Variants in RNF24 observed in about 807,000 individuals in gnomAD.
The protein encoded by RNF24 is ring finger protein 24.
A neutral mutation model predicts 20.0 loss-of-function variants in RNF24; 14 were observed. The ratio of observed to expected loss-of-function variants is 0.70; its 90% CI spans 0.46 to 1.10. The LOEUF (loss-of-function observed/expected upper bound fraction) is 1.10, where lower values mean the gene tolerates loss of function less well. Ranked by LOEUF, RNF24 falls within the 50% of genes least tolerant of loss-of-function variation. The pLI, the probability that RNF24 is intolerant of heterozygous loss-of-function variation, is 0.00. For synonymous variants in RNF24, 45 were observed against 61.1 expected (o/e 0.74, Z 1.23); for missense variants, 124 against 177.6 (o/e 0.70, Z 1.71).
At chr20:3,935,888 G>A (rs1244380940) in intron 4 of RNF24, among the ~76,000 whole-genome samples, 1 of 152,190 alleles carries the variant, frequency 6.6e-6, no homozygotes, top group Non-Finnish European at 1.5e-5. Flanking sequence ...ACCCAGGTCT[G>A]TTGCACTGAT....
intron 2 of RNF24, among the ~76,000 whole-genome samples, 153 bp from the exon 3 acceptor site, chr20:3,948,432 G>A (rs1164081986): frequency 6.6e-6 from 1 of 152,158 alleles, no homozygotes; most frequent in Middle Eastern, 3.4e-3. Flanking sequence ...CCCAAATGAT[G>A]TATCTCTTAA....
rs1298295605 is a variant in RNF24 at position 3,933,086 on chromosome 20, T to C, written c.*977A>G. 12 of 305,880 alleles carry C rather than the reference T, an allele frequency of 3.9e-5. No individual in the cohort carries two copies. Among genetic ancestry groups the C allele is most frequent in the Non-Finnish European group, 6.0e-5 (11 of 182,904 alleles). 18.9% of individuals were successfully genotyped at this position (305,880 alleles called of 1,614,324 possible). ...GGCTTTTTTTTTTTTTTTTTTTTTT[T>C]TCTGAAGTAGAAAGAGAGATAGGGC... On this transcript the variant is annotated 3_prime_UTR_variant, in exon 6 of 6. Transcript: ENST00000358395.
intron 1 of RNF24, among the ~76,000 whole-genome samples, chr20:3,973,702 T>C (rs181059684): frequency 7.9e-5 from 12 of 152,040 alleles, no homozygotes; most frequent in Non-Finnish European, 1.0e-4. Flanking sequence ...CAATATAAAA[T>C]AGATAATGTG....
intron 1 of RNF24, among the ~76,000 whole-genome samples, chr20:3,981,024 G>C (rs1979338258): frequency 6.6e-6 from 1 of 151,904 alleles, no homozygotes; most frequent in African/African-American, 2.4e-5. Flanking sequence ...GTGTAAGTGT[G>C]CCTGGCCCTA....
chr20:3,990,283 GA>G (rs1473288711), intron 1 of RNF24, among the ~76,000 whole-genome samples: 3 of 151,998 alleles, frequency 2.0e-5, no homozygotes, highest in African/African-American at 7.2e-5. Flanking sequence ...CTGCTTGGGG[GA>G]AAAAAGTACT....
intron 1 of RNF24, among the ~76,000 whole-genome samples, chr20:4,005,993 G>T (rs1006944730): frequency 1.3e-5 from 2 of 152,192 alleles, no homozygotes; most frequent in African/African-American, 4.8e-5. Flanking sequence ...AACTGTATCT[G>T]ATACAAGCAC....
chr20:4,003,132 G>T (rs568657816), intron 1 of RNF24, among the ~76,000 whole-genome samples: 1 of 152,232 alleles, frequency 6.6e-6, no homozygotes, highest in Admixed American at 6.5e-5. Flanking sequence ...ACGGCGCCCG[G>T]CTAATTTTTT....
At chr20:3,993,761 G>A (rs1393751198) in intron 1 of RNF24, among the ~76,000 whole-genome samples, 1 of 152,190 alleles carries the variant, frequency 6.6e-6, no homozygotes, top group East Asian at 1.9e-4. Context: ...CATCTTCACT[G>A]CCTTAGAGGG....
In RNF24 at chr20:3,945,173, T is replaced by A; in HGVS notation, c.228+4A>T. The A allele has an allele frequency of 6.2e-7, 1 of 1,601,468 alleles. No individual in the cohort carries two copies. Among genetic ancestry groups the A allele is most frequent in the Non-Finnish European group, 8.5e-7 (1 of 1,173,378 alleles). ...TCAAGAGGATTTACTTATCATCAAC[T>A]TACCTCATGTAAATTCAATTCTTTT... is the stretch of plus-strand genomic sequence containing the variant. On this transcript the variant is annotated splice_donor_region_variant and intron_variant, in intron 4 of 5. Transcript: ENST00000358395.
At chr20:3,939,578 A>G (rs241620) in intron 4 of RNF24, among the ~76,000 whole-genome samples, 48,295 of 152,112 alleles carry the variant, frequency 0.32, 8,324 homozygotes, top group African/African-American at 0.46. Context: ...TACCTGTGTC[A>G]CATGTATTAA....
In RNF24 at chr20:3,983,712, G is replaced by A. The variant is rs184300459; in HGVS notation, c.-7-19688C>T. 5.0e-3 allele frequency among the ~76,000 whole-genome samples: 754 copies of A among 151,820 alleles called. 9 individuals are homozygous for A. The highest frequency in any genetic ancestry group is 0.017 in the African/African-American group (717 of 41,438). ...TCCCAGCACTTTGGGAGGCCGAGGC[G>A]GGCAGATCACCTGAGGTCAGATGTT... On this transcript the variant is annotated intron_variant, in intron 1 of 5. Coordinates refer to ENST00000358395, the MANE Select transcript of RNF24 (RefSeq NM_001134337.3).
chr20:3,972,994 G>A (rs751537556), intron 1 of RNF24, among the ~76,000 whole-genome samples: 1 of 151,924 alleles, frequency 6.6e-6, no homozygotes, highest in Non-Finnish European at 1.5e-5. Flanking sequence ...CATGAGGTTA[G>A]GAGTTTGAGA....
intron 2 of RNF24, among the ~76,000 whole-genome samples, chr20:3,959,905 C>G (rs1345470645): frequency 6.6e-6 from 1 of 152,104 alleles, no homozygotes; most frequent in East Asian, 1.9e-4. Context: ...ATATAACAAA[C>G]ACAACAAATA....
At chr20:3,999,530 G>A (rs184430154) in intron 1 of RNF24, among the ~76,000 whole-genome samples, 7 of 152,258 alleles carry the variant, frequency 4.6e-5, no homozygotes, top group Admixed American at 2.6e-4. Context: ...CGAGGCGGGC[G>A]GATCAGCTGA....
At chr20:3,946,188 C>T (rs939057039) in intron 3 of RNF24, among the ~76,000 whole-genome samples, 1 of 152,094 alleles carries the variant, frequency 6.6e-6, no homozygotes, top group Non-Finnish European at 1.5e-5. Flanking sequence ...AATACGTGGC[C>T]AGGCACGGTA....
intron 4 of RNF24, among the ~76,000 whole-genome samples, chr20:3,937,381 C>T (rs1053518281): frequency 6.6e-6 from 1 of 152,142 alleles, no homozygotes; most frequent in African/African-American, 2.4e-5. Context: ...ACTTTTGTTT[C>T]CAGTATTCAA....
intron 2 of RNF24, among the ~76,000 whole-genome samples, chr20:3,949,457 A>G (rs565117585): frequency 1.3e-5 from 2 of 152,192 alleles, no homozygotes; most frequent in African/African-American, 4.8e-5. Context: ...AGGCTGAGGC[A>G]GGAGGATCGC....
At chr20:3,954,856 G>A (rs192424366) in intron 2 of RNF24, among the ~76,000 whole-genome samples, 12 of 150,678 alleles carry the variant, frequency 8.0e-5, no homozygotes, top group Admixed American at 6.0e-4. Context: ...CCGAGATCGC[G>A]CCATTGCACT....
chr20:4,012,373 C>T lies in RNF24; in HGVS notation c.-8+3064G>A, dbSNP rs542781832. Among the ~76,000 whole-genome samples the T allele has an allele frequency of 8.6e-5, 13 of 151,358 alleles. 1 individual carries two copies. In the East Asian group the frequency reaches 2.1e-3, roughly 25 times the overall value. ...CGGAGGCTGCAGTCAGCCGAGATCA[C>T]GCCACTGCACTCCAGCCTAGGGGAC... On this transcript the variant is annotated intron_variant, in intron 1 of 5. Coordinates refer to ENST00000358395, the MANE Select transcript of RNF24 (RefSeq NM_001134337.3).
Sources: gnomAD v4.1 joint callset for allele counts (sites outside exome capture counted in the v4.1 genomes callset) on GRCh38, gnomAD v4.1.1 for gene constraint, MANE v1.5 for transcripts, NCBI Gene and HGNC (gene_info 2026-07-23, HGNC 2026-07-21) for gene names.